The following MICU3 variants were observed in gnomAD, a reference collection of about 807,000 sequenced individuals.
MICU3 encodes mitochondrial calcium uptake 3.
MICU3 carries 62 observed loss-of-function variants against 66.5 expected under a neutral mutation model. That is an observed-to-expected ratio of 0.93 (90% confidence interval 0.76 to 1.15). The LOEUF is 1.15. MICU3 is among the 50% of genes most tolerant of loss of function. The pLI is 0.00. For missense variants in MICU3, 779 were observed against 664.4 expected (o/e 1.17, Z -1.90); for synonymous variants, 308 against 240.7 (o/e 1.28, Z -2.59).
the MICU3 span, among the ~76,000 whole-genome samples, chr8:17,133,307 C>A: frequency 3.9e-5 from 6 of 152,040 alleles, no homozygotes; most frequent in African/African-American, 1.5e-4. Flanking sequence ...TAGAAATAAA[C>A]CCCTTTGTTA....
chr8:17,068,004 A>C (rs530385873), intron 2 of MICU3, among the ~76,000 whole-genome samples: 48 of 152,222 alleles, frequency 3.2e-4, no homozygotes, highest in African/African-American at 1.0e-3. Flanking sequence ...CTAGAACTAA[A>C]ATCAGTAATT....
chr8:17,094,655 A>G (rs77261934), intron 8 of MICU3, among the ~76,000 whole-genome samples: 3 of 151,852 alleles, frequency 2.0e-5, no homozygotes, highest in African/African-American at 7.3e-5. Flanking sequence ...TAAAAAAAAA[A>G]TGTCTACCAG....
At chr8:17,104,994 CAAAAA>C (rs746149322) in intron 10 of MICU3, among the ~76,000 whole-genome samples, 1 of 8,722 alleles carries the variant, frequency 1.1e-4, no homozygotes, top group Non-Finnish European at 1.6e-4. Context: ...GACTCCGTCT[CAAAAA>C]AAAAAAAAAA....
intron 14 of MICU3, among the ~76,000 whole-genome samples, chr8:17,120,059 C>T (rs1585588779): frequency 6.6e-6 from 1 of 152,088 alleles, no homozygotes; most frequent in South Asian, 2.1e-4. Context: ...AGTAATAGTG[C>T]GTAGAGCCAT....
chr8:17,110,117 G>A (rs533479102), intron 11 of MICU3, among the ~76,000 whole-genome samples: 1 of 152,146 alleles, frequency 6.6e-6, no homozygotes, highest in Admixed American at 6.5e-5. Flanking sequence ...AAACAAACAT[G>A]GCTTATATAC....
intron 1 of MICU3, among the ~76,000 whole-genome samples, chr8:17,031,050 T>A (rs985234594): frequency 1.3e-5 from 2 of 151,868 alleles, no homozygotes; most frequent in African/African-American, 4.8e-5. Flanking sequence ...AATCATGGAG[T>A]CAATCTGCCA....
chr8:17,075,833 C>T (rs1241405483), intron 3 of MICU3, among the ~76,000 whole-genome samples: 1 of 151,958 alleles, frequency 6.6e-6, no homozygotes, highest in Non-Finnish European at 1.5e-5. Context: ...ATTGTCAAAC[C>T]CATAGAGGGC....
downstream of MICU3, among the ~76,000 whole-genome samples, chr8:17,126,051 A>AC (rs1462429925): frequency 6.6e-6 from 1 of 151,286 alleles, no homozygotes; most frequent in Non-Finnish European, 1.5e-5. Flanking sequence ...AAAAAAAAAA[A>AC]ACCTCTCTCT....
intron 1 of MICU3, among the ~76,000 whole-genome samples, chr8:17,037,573 C>A (rs1318328392): frequency 6.6e-6 from 1 of 152,218 alleles, no homozygotes; most frequent in Non-Finnish European, 1.5e-5. Flanking sequence ...TCATGGAGAA[C>A]CTCTGCTAGG....
chr8:17,137,361 G>A, the MICU3 span, among the ~76,000 whole-genome samples: 7 of 151,864 alleles, frequency 4.6e-5, no homozygotes, highest in African/African-American at 1.7e-4. Flanking sequence ...CCCAGTGGCT[G>A]TGAGAACATC....
chr8:17,080,163 A>G (rs957140411), intron 4 of MICU3, among the ~76,000 whole-genome samples: 1 of 152,066 alleles, frequency 6.6e-6, no homozygotes. Context: ...TATAATTGGA[A>G]AGCATTAAAA....
chr8:17,087,985 G>A (rs1270686515), intron 7 of MICU3, among the ~76,000 whole-genome samples: 1 of 151,940 alleles, frequency 6.6e-6, no homozygotes, highest in Non-Finnish European at 1.5e-5. Context: ...ACTTCAGAGA[G>A]CTAAAACTTT....
downstream of MICU3, among the ~76,000 whole-genome samples, chr8:17,123,308 A>G (rs554397179): frequency 2.0e-5 from 3 of 152,272 alleles, no homozygotes; most frequent in South Asian, 2.1e-4. Flanking sequence ...AATTGTGACT[A>G]TACGCACAGA....
In MICU3 at chr8:17,120,333, T is replaced by C. The variant is rs1803107003; in HGVS notation, c.*46T>C. Reference sequence around the variant, plus strand: ...AAAGGATTACTATCTGTGTGACAAATAACAAGAAGCAACATTTTGAGAATG... The same window carrying C: ...AAAGGATTACTATCTGTGTGACAAACAACAAGAAGCAACATTTTGAGAATG... On this transcript the variant is annotated 3_prime_UTR_variant, in exon 15 of 15. Coordinates refer to ENST00000318063, the MANE Select transcript of MICU3 (RefSeq NM_181723.3). The C allele has an allele frequency of 6.6e-6, 1 of 152,048 alleles. No homozygotes were observed. The highest frequency in any genetic ancestry group is 6.6e-5 in the Admixed American group (1 of 15,246). The allele number at this position is 152,048 out of a possible 1,614,324, so 9.4% of individuals were successfully genotyped here. A position where few individuals can be genotyped will look rare whatever the true frequency, so the allele number is the denominator to read the frequency against.
Position 17,031,529 on chromosome 8 carries a change from C to T in MICU3, c.381+3869C>T, listed in dbSNP as rs534585200. On this transcript the variant is annotated intron_variant, in intron 1 of 14. Transcript: ENST00000318063. ...GTCTCAAACTCCTGACCTCAAGTTC[C>T]GCCTGCCTCAGCTTGCAAAGTGCTG... Among the ~76,000 whole-genome samples the T allele has an allele frequency of 2.2e-4, 34 of 151,874 alleles. No individual in the cohort carries two copies. The South Asian group carries it at 6.5e-3, about 29-fold the overall frequency.
chr8:17,125,816 A>C (rs1803391210), downstream of MICU3, among the ~76,000 whole-genome samples: 1 of 151,850 alleles, frequency 6.6e-6, no homozygotes, highest in Non-Finnish European at 1.5e-5. Flanking sequence ...GTGGATCACG[A>C]GTCAGGAGTT....
chr8:17,128,187 T>G, the MICU3 span, among the ~76,000 whole-genome samples: 1 of 151,098 alleles, frequency 6.6e-6, no homozygotes, highest in Non-Finnish European at 1.5e-5. Flanking sequence ...CTCTTCTGAG[T>G]TAAAACTTTT....
rs527623446 is a variant in MICU3 at position 17,071,063 on chromosome 8, T to C, written c.567+1344T>C. 3.9e-4 allele frequency among the ~76,000 whole-genome samples: 59 copies of C among 152,262 alleles called. 1 individual carries two copies. Among genetic ancestry groups the C allele is most frequent in the African/African-American group, 1.4e-3 (57 of 41,550 alleles). ...ATTGTTTATTTTTGGAACTTTCTAT[T>C]TAATGTTTTTGGACTGCAGTTGACT... On this transcript the variant is annotated intron_variant, in intron 3 of 14. Coordinates refer to ENST00000318063, the MANE Select transcript of MICU3 (RefSeq NM_181723.3).
intron 1 of MICU3, among the ~76,000 whole-genome samples, chr8:17,053,294 T>G (rs1049913063): frequency 4.6e-5 from 7 of 152,206 alleles, no homozygotes; most frequent in African/African-American, 1.7e-4. Flanking sequence ...TTTCTCTAAT[T>G]GTCAAGTAGT....
Sources: allele counts gnomAD v4.1 joint callset (sites outside exome capture counted in the v4.1 genomes callset), GRCh38; gene constraint gnomAD v4.1.1; transcripts MANE v1.5; gene names NCBI Gene and HGNC (gene_info 2026-07-23, HGNC 2026-07-21).